RAD21L1: variants seen among roughly 807,000 people sequenced by gnomAD.
RAD21L1 encodes the protein RAD21 cohesin complex component like 1.
In RAD21L1, 47 loss-of-function variants were observed where a neutral mutation model predicts 69.0. That is an observed-to-expected ratio of 0.68 (90% confidence interval 0.54 to 0.87). The LOEUF (loss-of-function observed/expected upper bound fraction) is 0.87, where lower values mean the gene tolerates loss of function less well. RAD21L1 is among the 40% of genes least tolerant of loss of function. RAD21L1 has a pLI of 0.00. For synonymous variants in RAD21L1, 177 were observed against 205.8 expected (o/e 0.86, Z 1.20); for missense variants, 583 against 647.6 (o/e 0.90, Z 1.08).
chr20:1,235,182 G>A (rs568320963), intron 5 of RAD21L1, among the ~76,000 whole-genome samples: 1 of 152,268 alleles, frequency 6.6e-6, no homozygotes, highest in Non-Finnish European at 1.5e-5. Flanking sequence ...CATGAGGATA[G>A]AATCTGTGTA....
chr20:1,231,627 A>G lies in RAD21L1; in HGVS notation c.368+8A>G, dbSNP rs761260870. The G allele has an allele frequency of 9.0e-5, 111 of 1,237,444 alleles. 1 individual carries two copies. The South Asian group carries it at 1.1e-3, about 12-fold the overall frequency. The allele number at this position is 1,237,444 out of a possible 1,614,324, so 76.7% of individuals were successfully genotyped here. A position where few individuals can be genotyped will look rare whatever the true frequency, so the allele number is the denominator to read the frequency against. On this transcript the variant is annotated splice_region_variant and intron_variant, in intron 4 of 13. Transcript: ENST00000683101. ...TGACACCCAAAATATGAAGTAAAATATTTTATTTATTTTCCTTCGATTTAA... is the reference window on the plus strand; with the variant it reads ...TGACACCCAAAATATGAAGTAAAATGTTTTATTTATTTTCCTTCGATTTAA...
Position 1,246,324 on chromosome 20 carries a change from T to G in RAD21L1, c.1401+19T>G, listed in dbSNP as rs921391869. ...TGAATTGGTAAATATATGTGTAGTC[T>G]TGGGGATGTTCTTAAAAACTTTATT... On this transcript the variant is annotated intron_variant, in intron 12 of 13. Coordinates refer to ENST00000683101, the MANE Select transcript of RAD21L1 (RefSeq NM_001384355.1). This position sits in a 1 kb window ranked among gnomAD's most constrained non-coding sequence, Gnocchi z 4.6. 11 of 1,276,738 alleles carry G rather than the reference T, an allele frequency of 8.6e-6. No homozygotes were observed. In the East Asian group the frequency reaches 3.1e-4, roughly 36 times the overall value. The allele number at this position is 1,276,738 out of a possible 1,614,324, so 79.1% of individuals were successfully genotyped here.
Position 1,242,774 on chromosome 20 carries a change from A to C in RAD21L1, c.1012A>C (p.Lys338Gln), listed in dbSNP as rs1463425810. The part of the protein sequence containing the change: ...APPTQRLMMW[K>Q]KRGGVHTLLS... Reference sequence around the variant, plus strand: ...TCCTACCCAAAGATTGATGATGTGGAAGAAGAGGGGAGGAGTGCATACACT... The same window carrying C: ...TCCTACCCAAAGATTGATGATGTGGCAGAAGAGGGGAGGAGTGCATACACT... The change falls in exon 9 of 14, where the codon AAG (lysine) becomes CAG (glutamine). Residue 338 changes from lysine (K) to glutamine (Q), a missense_variant. Coordinates refer to ENST00000683101, the MANE Select transcript of RAD21L1 (RefSeq NM_001384355.1). The C allele has an allele frequency of 1.9e-6, 3 of 1,551,620 alleles. No individual in the cohort carries two copies. The highest frequency in any genetic ancestry group is 2.6e-6 in the Non-Finnish European group (3 of 1,146,936).
chr20:1,243,908 A>G, intron 10 of RAD21L1, 138 bp from the exon 11 acceptor site: 1 of 699,914 alleles, frequency 1.4e-6, no homozygotes. Context: ...TGGGAGCAAT[A>G]AGAAAGTTTG....
chr20:1,250,312 G>T (rs948563188), intron 13 of RAD21L1, among the ~76,000 whole-genome samples: 29 of 149,620 alleles, frequency 1.9e-4, no homozygotes, highest in African/African-American at 7.1e-4. Context: ...GTGCAGGTTT[G>T]TTACATATGT....
chr20:1,244,909 A>T (rs2087689442), intron 11 of RAD21L1, among the ~76,000 whole-genome samples: 1 of 152,200 alleles, frequency 6.6e-6, no homozygotes, highest in Non-Finnish European at 1.5e-5. Flanking sequence ...TTCACAGTGC[A>T]TTCAAACAGA....
Position 1,254,355 on chromosome 20 carries a change from T to G in RAD21L1, c.1566T>G (p.Tyr522Ter). The G allele has an allele frequency of 1.3e-6, 2 of 1,551,310 alleles. No individual in the cohort carries two copies. Among genetic ancestry groups the G allele is most frequent in the Non-Finnish European group, 1.7e-6 (2 of 1,146,734 alleles). Residue 522 changes from tyrosine to a stop codon, truncating the protein, a stop_gained, in exon 14 of 14, where the codon TAT becomes TAG. Coordinates refer to ENST00000683101, the MANE Select transcript of RAD21L1 (RefSeq NM_001384355.1). LOFTEE classifies it high-confidence loss of function. The part of the protein sequence containing the change: ...SDRKQAAAKF[Y>*]SFLVLKKQLA... ...GAAAACAAGCAGCTGCCAAATTTTA[T>G]AGCTTTCTTGTCCTAAAGAAACAGC...
Position 1,231,462 on chromosome 20 carries a change from G to A in RAD21L1, c.275-64G>A, listed in dbSNP as rs147654226. ...AGTCCAGTAAAAGAATATAGAGTTA[G>A]TTGGGAGTTCTTTGTTTTATATAGC... On this transcript the variant is annotated intron_variant, in intron 3 of 13. Coordinates refer to ENST00000683101, the MANE Select transcript of RAD21L1 (RefSeq NM_001384355.1). 2.9e-4 allele frequency: 231 copies of A among 788,688 alleles called. 1 individual carries two copies. In the African/African-American group the frequency reaches 3.4e-3, roughly 12 times the overall value. 48.9% of individuals were successfully genotyped at this position (788,688 alleles called of 1,614,324 possible).
chr20:1,230,927 T>C (rs530621847), intron 3 of RAD21L1: 74 of 163,676 alleles, frequency 4.5e-4, no homozygotes, highest in African/African-American at 1.7e-3. Flanking sequence ...GGAAATCAGA[T>C]AATTAAAGTA....
chr20:1,238,049 G>A lies in RAD21L1; in HGVS notation c.481G>A (p.Glu161Lys). The A allele has an allele frequency of 2.0e-6, 3 of 1,488,524 alleles. No individual in the cohort carries two copies. The highest frequency in any genetic ancestry group is 1.3e-5 in the South Asian group (1 of 76,646). 92.2% of individuals were successfully genotyped at this position (1,488,524 alleles called of 1,614,324 possible). ...AATGATATATATTTATTTAGGGGAG[G>A]AATCTGAAATTCTCAGAAGACATAG... ...LIFQAESFGE[E>K]SEILRRHSFF... The change falls in exon 6 of 14, where the codon GAA becomes AAA. Residue 161 changes from glutamate to lysine, a missense_variant. By Grantham distance (56) the Glu-to-Lys change is moderately conservative (BLOSUM62 1). Coordinates refer to ENST00000683101, the MANE Select transcript of RAD21L1 (RefSeq NM_001384355.1).
In RAD21L1 at chr20:1,254,687, C is replaced by G. The variant is rs2087902318; in HGVS notation, c.*230C>G. Among the ~76,000 whole-genome samples, 1 of 151,634 alleles carries G rather than the reference C, an allele frequency of 6.6e-6. No homozygotes were observed. The highest frequency in any genetic ancestry group is 1.5e-5 in the Non-Finnish European group (1 of 67,942). On this transcript the variant is annotated 3_prime_UTR_variant, in exon 14 of 14. Transcript: ENST00000683101. ...TTTTTTTTTGTTGTTTTTTTAAGGA[C>G]AAAGGTCTCACTATATTGCCCAGGC...
intron 8 of RAD21L1, among the ~76,000 whole-genome samples, chr20:1,242,153 T>C (rs1487548374): frequency 1.3e-5 from 2 of 152,204 alleles, no homozygotes; most frequent in Non-Finnish European, 2.9e-5. Context: ...ATGTATCAGC[T>C]ATTGGTTGCT....
At chr20:1,233,276 T>C (rs1025758112) in intron 4 of RAD21L1, among the ~76,000 whole-genome samples, 2 of 152,140 alleles carry the variant, frequency 1.3e-5, no homozygotes, top group African/African-American at 2.4e-5. Context: ...ACTTCAACCA[T>C]GGACTCTAAG....
chr20:1,229,419 G>A lies in RAD21L1; in HGVS notation c.145-461G>A, dbSNP rs572570064. On this transcript the variant is annotated intron_variant, in intron 2 of 13. Coordinates refer to ENST00000683101, the MANE Select transcript of RAD21L1 (RefSeq NM_001384355.1). ...TATAATAAATTGTAGGGAGGCTGAGGCAGGAGAATTGCTTGAACCCGGGAG... is the reference window on the plus strand; with the variant it reads ...TATAATAAATTGTAGGGAGGCTGAGACAGGAGAATTGCTTGAACCCGGGAG... Among the ~76,000 whole-genome samples, 50 of 152,338 alleles carry A rather than the reference G, an allele frequency of 3.3e-4. 1 individual carries two copies. The highest frequency in any genetic ancestry group is 1.1e-3 in the African/African-American group (44 of 41,572).
intron 8 of RAD21L1, among the ~76,000 whole-genome samples, chr20:1,240,805 C>T (rs2087592181): frequency 6.6e-6 from 1 of 152,206 alleles, no homozygotes; most frequent in South Asian, 2.1e-4. Flanking sequence ...CCTGCATAAA[C>T]CAGCCCCCTT....
chr20:1,240,876 T>C (rs1035051337), intron 8 of RAD21L1, among the ~76,000 whole-genome samples: 1 of 152,214 alleles, frequency 6.6e-6, no homozygotes, highest in African/African-American at 2.4e-5. Flanking sequence ...GAGCTGCTAG[T>C]CTGGGCCTGC....
At chr20:1,228,206 G>T (rs1297001685) in intron 1 of RAD21L1, among the ~76,000 whole-genome samples, 1 of 152,166 alleles carries the variant, frequency 6.6e-6, no homozygotes, top group African/African-American at 2.4e-5. Flanking sequence ...TAAGCCCGGT[G>T]TAGAGGTGTA....
intron 4 of RAD21L1, among the ~76,000 whole-genome samples, chr20:1,233,214 G>C (rs1006818483): frequency 2.0e-5 from 3 of 152,200 alleles, no homozygotes; most frequent in African/African-American, 7.2e-5. Context: ...AAATTCAGGA[G>C]AGAGGTCTGA....
intron 13 of RAD21L1, among the ~76,000 whole-genome samples, chr20:1,253,933 T>G (rs914964591): frequency 2.0e-5 from 3 of 152,224 alleles, no homozygotes; most frequent in Admixed American, 6.5e-5. Flanking sequence ...TGTGGATTTT[T>G]TTGTCTCTGC....
Sources: gnomAD v4.1 joint callset for allele counts (sites outside exome capture counted in the v4.1 genomes callset) on GRCh38, gnomAD v4.1.1 for gene constraint, Gnocchi (gnomAD v3.1) non-coding constraint, MANE v1.5 for transcripts, NCBI Gene and HGNC (gene_info 2026-07-23, HGNC 2026-07-21) for gene names.